Variants in ZNF34 observed in about 807,000 individuals in gnomAD.
The protein encoded by ZNF34 is zinc finger protein 34 (KOX 32).
A neutral mutation model predicts 14.4 loss-of-function variants in ZNF34; 8 were observed. The ratio of observed to expected loss-of-function variants is 0.55; its 90% confidence interval spans 0.33 to 1.00. The LOEUF (loss-of-function observed/expected upper bound fraction) is 1.00. Among genes scored for constraint, ZNF34 ranks in the 50% least tolerant of loss-of-function variants. ZNF34 has a pLI of 0.03. For missense variants in ZNF34, 538 were observed against 674.2 expected (o/e 0.80, Z 2.24); for synonymous variants, 235 against 247.9 (o/e 0.95, Z 0.49).
At chr8:144,781,553 G>A (rs1269616719) in intron 1 of ZNF34, among the ~76,000 whole-genome samples, 4 of 152,230 alleles carry the variant, frequency 2.6e-5, no homozygotes, top group Admixed American at 2.0e-4. Flanking sequence ...ACCATGACCA[G>A]TCGAGATTTT....
Position 144,774,218 on chromosome 8 carries a change from A to G in ZNF34, c.668T>C (p.Ile223Thr). The change falls in exon 6 of 6, where the codon ATT becomes ACT. Residue 223 changes from isoleucine (I) to threonine (T), a missense_variant. Physicochemically the swap from Ile to Thr is moderately conservative, Grantham distance 89. Around this residue, in one of 3 missense-constraint regions of ZNF34, gnomAD observed 431 missense variants for 525.7 expected, o/e 0.82. Coordinates refer to ENST00000429371, the MANE Select transcript of ZNF34 (RefSeq NM_001286769.2). ...ATAATGCAATTTTTTCCCAGTAGGA[A>G]TTTTCTGATCTTCTTTAACAACTAA... is the stretch of plus-strand genomic sequence containing the variant. ...ANLVVKEDQK[I>T]PTGKKLHYCS... 1 of 1,611,864 alleles carries G rather than the reference A, an allele frequency of 6.2e-7. No individual in the cohort carries two copies. Among genetic ancestry groups the G allele is most frequent in the South Asian group, 1.1e-5 (1 of 90,998 alleles).
rs541525122 is a variant in ZNF34, at chr8:144,779,034, G to A, written c.-54-509C>T. 4.6e-5 allele frequency among the ~76,000 whole-genome samples: 7 copies of A among 152,170 alleles called. No individual in the cohort carries two copies. The highest frequency in any genetic ancestry group is 1.9e-4 in the East Asian group (1 of 5,166). On this transcript the variant is annotated intron_variant, in intron 2 of 5. Coordinates refer to ENST00000429371, the MANE Select transcript of ZNF34 (RefSeq NM_001286769.2). The surrounding 1 kb of genome is among the most constrained non-coding windows in gnomAD (Gnocchi z 4.1). ...CCAAAGGGGGGAAGGCTGCCCTGCCGCTCCATAATCTAAGCCAAGGCATAA... is the reference window on the plus strand; with the variant it reads ...CCAAAGGGGGGAAGGCTGCCCTGCCACTCCATAATCTAAGCCAAGGCATAA...
At chr8:144,774,645 G>T in intron 5 of ZNF34, 40 bp from the exon 6 acceptor site, 1 of 1,561,490 alleles carries the variant, frequency 6.4e-7, no homozygotes, top group South Asian at 1.2e-5. Context: ...CACCTGCTCT[G>T]ACTCTGGAAG....
intron 2 of ZNF34, 94 bp from the exon 3 acceptor site, chr8:144,778,619 C>T: frequency 1.0e-6 from 1 of 975,842 alleles, no homozygotes; most frequent in Middle Eastern, 3.3e-4. Context: ...CCCTGCCTGC[C>T]TCACTGGTCC....
rs932408839 is a variant in ZNF34 at position 144,777,792 on chromosome 8, G to GC, written c.161-216dup. Among the ~76,000 whole-genome samples, 63 of 152,024 alleles carry GC rather than the reference G, an allele frequency of 4.1e-4. No individual in the cohort carries two copies. Among genetic ancestry groups the GC allele is most frequent in the Non-Finnish European group, 8.2e-4 (56 of 67,916 alleles). The stretch of plus-strand genomic sequence containing the variant: ...CCTCCACTAGGAGGTATGCAACTCC[G>GC]CCCCCCCGGTGTCCCCCGCCCTACC... On this transcript the variant is annotated intron_variant, in intron 4 of 5. Coordinates refer to ENST00000429371, the MANE Select transcript of ZNF34 (RefSeq NM_001286769.2). This position sits in a 1 kb window ranked among gnomAD's most constrained non-coding sequence, Gnocchi z 4.8.
chr8:144,782,443 T>C (rs1825944711), intron 1 of ZNF34, among the ~76,000 whole-genome samples: 1 of 151,112 alleles, frequency 6.6e-6, no homozygotes, highest in African/African-American at 2.4e-5. Flanking sequence ...TGAGTTGAGA[T>C]TACATCACTG....
At position 144,777,845 on chromosome 8, in the gene ZNF34, C is replaced by T. The variant is rs1012991221; in HGVS notation, c.160+193G>A. ...GGAGGGGTCTGCCTGGGACCTGGGG[C>T]GAGAGGGAAGGGAAGGGCTGACTCA... On this transcript the variant is annotated intron_variant, in intron 4 of 5. Coordinates refer to ENST00000429371, the MANE Select transcript of ZNF34 (RefSeq NM_001286769.2). The surrounding 1 kb of genome is among the most constrained non-coding windows in gnomAD (Gnocchi z 4.8). Among the ~76,000 whole-genome samples the T allele has an allele frequency of 2.0e-5, 3 of 152,074 alleles. No homozygotes were observed. The highest frequency in any genetic ancestry group is 6.5e-5 in the Admixed American group (1 of 15,286).
Position 144,774,064 on chromosome 8 carries a change from G to A in ZNF34, c.822C>T (p.Ile274=). ...CTCCTGAGTGCATCCTTCGGTGATT[G>A]ATGAACTCGCAGCTCTGGCTGAAGG... ...GKAFSQSCEF[I]NHRRMHSGEI... is the part of the protein sequence containing the mutation. Residue 274 remains isoleucine (I), a synonymous_variant, in exon 6 of 6, where the codon ATC becomes ATT. Coordinates refer to ENST00000429371, the MANE Select transcript of ZNF34 (RefSeq NM_001286769.2). The A allele has an allele frequency of 6.2e-7, 1 of 1,614,050 alleles. No individual in the cohort carries two copies. The highest frequency in any genetic ancestry group is 8.5e-7 in the Non-Finnish European group (1 of 1,179,982).
chr8:144,780,105 G>T (rs1825770505), intron 2 of ZNF34, 123 bp downstream of exon 2: 10 of 700,840 alleles, frequency 1.4e-5, no homozygotes, highest in Non-Finnish European at 2.3e-5. Context: ...GCTGAGGTGG[G>T]AGGATCACCT....
intron 5 of ZNF34, among the ~76,000 whole-genome samples, chr8:144,775,299 C>T (rs1825435788): frequency 6.6e-6 from 1 of 152,242 alleles, no homozygotes; most frequent in South Asian, 2.1e-4. Flanking sequence ...GCTGGAGCTG[C>T]TGCTTTGGAG....
chr8:144,782,352 T>C (rs1349879917), intron 1 of ZNF34, among the ~76,000 whole-genome samples: 2 of 150,462 alleles, frequency 1.3e-5, no homozygotes, highest in Non-Finnish European at 3.0e-5. Flanking sequence ...TAGCCGGGCA[T>C]GGTGGCGTGA....
chr8:144,773,228 T>C lies in ZNF34; in HGVS notation c.*38A>G, dbSNP rs1825269238. On this transcript the variant is annotated 3_prime_UTR_variant, in exon 6 of 6. Coordinates refer to ENST00000429371, the MANE Select transcript of ZNF34 (RefSeq NM_001286769.2). The surrounding 1 kb of genome is among the most constrained non-coding windows in gnomAD (Gnocchi z 5.4). ...AGGTGCCGGGGGCGCATGCAGGAAG[T>C]GCTCAGCTGGACTCTGCCCTCGGAC... 3.9e-6 allele frequency: 6 copies of C among 1,556,158 alleles called. No homozygotes were observed. The highest frequency in any genetic ancestry group is 5.2e-6 in the Non-Finnish European group (6 of 1,147,602).
intron 1 of ZNF34, among the ~76,000 whole-genome samples, chr8:144,786,020 C>T (rs1243420786): frequency 7.3e-6 from 1 of 136,718 alleles, no homozygotes; most frequent in Non-Finnish European, 1.5e-5. Flanking sequence ...AGTCTTGCTC[C>T]ATCACCCAGG....
intron 1 of ZNF34, chr8:144,785,257 G>A (rs943915332): frequency 6.6e-6 from 1 of 151,850 alleles, no homozygotes; most frequent in Non-Finnish European, 1.5e-5. Context: ...TTTTAAATTA[G>A]AAAAATGTCA....
rs544953746 is a variant in ZNF34, at chr8:144,775,967, C to G, written c.281-1362G>C. 2.0e-5 allele frequency among the ~76,000 whole-genome samples: 3 copies of G among 152,338 alleles called. No homozygotes were observed. The East Asian group carries it at 5.8e-4, about 29-fold the overall frequency. ...ACTGAAGACATGACTGAGACTCATG[C>G]GCACAGAAATGGAAACACATTCCGT... On this transcript the variant is annotated intron_variant, in intron 5 of 5. Coordinates refer to ENST00000429371, the MANE Select transcript of ZNF34 (RefSeq NM_001286769.2).
chr8:144,781,977 GGAGTTC>G (rs1257232906), intron 1 of ZNF34, among the ~76,000 whole-genome samples: 1 of 151,308 alleles, frequency 6.6e-6, no homozygotes, highest in Admixed American at 6.6e-5. Flanking sequence ...CTTGAGGTCA[GGAGTTC>G]GAGACCAGCC....
At chr8:144,780,645 C>A (rs779475672) in intron 1 of ZNF34, among the ~76,000 whole-genome samples, 1 of 151,992 alleles carries the variant, frequency 6.6e-6, no homozygotes, top group Admixed American at 6.6e-5. Context: ...AAAAATTAGC[C>A]GGGCGTGGTG....
rs1252224133 is a variant in ZNF34 at position 144,777,620 on chromosome 8, G to A, written c.161-43C>T. The A allele has an allele frequency of 6.5e-7, 1 of 1,546,928 alleles. No homozygotes were observed. The highest frequency in any genetic ancestry group is 2.0e-5 in the Admixed American group (1 of 50,848). ...ACTGGGGTTGGTACCAAGGACACAG[G>A]GCAGCACCTAGTGCTGTCTCACCCT... On this transcript the variant is annotated intron_variant, in intron 4 of 5. Transcript: ENST00000429371. The surrounding 1 kb of genome is among the most constrained non-coding windows in gnomAD (Gnocchi z 4.8).
At chr8:144,776,366 A>C (rs1825515560) in intron 5 of ZNF34, among the ~76,000 whole-genome samples, 1 of 151,200 alleles carries the variant, frequency 6.6e-6, no homozygotes, top group South Asian at 2.1e-4. Context: ...TTGGGAGGCC[A>C]AGGTGGGAGG....
Sources: allele counts gnomAD v4.1 joint callset (sites outside exome capture counted in the v4.1 genomes callset), GRCh38; gene constraint gnomAD v4.1.1; regional missense constraint gnomAD v4.1.1; non-coding constraint Gnocchi (gnomAD v3.1); transcripts MANE v1.5; gene names NCBI Gene and HGNC (gene_info 2026-07-23, HGNC 2026-07-21).